The following DAB1 variants were observed in gnomAD, a reference collection of about 807,000 sequenced individuals.
DAB1 encodes DAB adaptor protein 1, also known as disabled homolog 1.
Under a neutral mutation model 64.6 loss-of-function variants are expected in DAB1, and 15 were observed. That is an observed-to-expected ratio of 0.23 (90% CI 0.16 to 0.36). DAB1 has a LOEUF of 0.36. Ranked by LOEUF, DAB1 falls within the 10% of genes least tolerant of loss-of-function variation. The probability of loss-of-function intolerance (pLI) is 1.00; values close to 1 mark genes in which losing one functional copy is unlikely to be tolerated. For synonymous variants in DAB1, 235 were observed against 251.9 expected (o/e 0.93, Z 0.64); for missense variants, 596 against 706.7 (o/e 0.84, Z 1.78).
chr1:57,571,488 C>T (rs538296857), intron 7 of DAB1, among the ~76,000 whole-genome samples: 9 of 152,232 alleles, frequency 5.9e-5, no homozygotes, highest in African/African-American at 1.4e-4. Context: ...GGTAAGAATA[C>T]ATGGACATGG....
chr1:57,430,986 C>T (rs1486566060), intron 7 of DAB1, among the ~76,000 whole-genome samples: 1 of 150,946 alleles, frequency 6.6e-6, no homozygotes, highest in South Asian at 2.1e-4. Flanking sequence ...CTGAGATGAA[C>T]GCTATGACAA....
chr1:58,395,452 C>T (rs139663372), intron 3 of DAB1, among the ~76,000 whole-genome samples: 53 of 152,226 alleles, frequency 3.5e-4, no homozygotes, highest in African/African-American at 1.2e-3. Flanking sequence ...AGTTTTCTTC[C>T]TTCTTTAACT....
chr1:57,293,420 T>G (rs936428358), intron 1 of DAB1, among the ~76,000 whole-genome samples: 1 of 152,198 alleles, frequency 6.6e-6, no homozygotes, highest in Non-Finnish European at 1.5e-5. Flanking sequence ...AGTTTCTTCA[T>G]CTGTACAATG....
intron 4 of DAB1, among the ~76,000 whole-genome samples, chr1:58,238,179 G>A (rs1049721435): frequency 6.6e-6 from 1 of 152,200 alleles, no homozygotes; most frequent in Non-Finnish European, 1.5e-5. Flanking sequence ...AGTAATACAA[G>A]CAGTAGGATA....
chr1:57,124,583 C>CTTTTTTAA (rs1656962741), intron 4 of DAB1, among the ~76,000 whole-genome samples: 1 of 152,130 alleles, frequency 6.6e-6, no homozygotes, highest in Non-Finnish European at 1.5e-5. Context: ...AGATCTCAGG[C>CTTTTTTAA]TTTAGAGTTG....
At chr1:58,005,273 G>A (rs1217998244) in intron 5 of DAB1, among the ~76,000 whole-genome samples, 2 of 152,070 alleles carry the variant, frequency 1.3e-5, no homozygotes, top group African/African-American at 4.8e-5. Context: ...AGCTTTGGAA[G>A]GGCTGGGGGA....
intron 2 of DAB1, among the ~76,000 whole-genome samples, chr1:57,206,191 G>C (rs562784106): frequency 2.6e-5 from 4 of 152,318 alleles, no homozygotes; most frequent in African/African-American, 9.6e-5. Flanking sequence ...CTAAGAGCTT[G>C]TTAGAAAGGC....
intron 4 of DAB1, among the ~76,000 whole-genome samples, chr1:58,160,391 C>A (rs1240907523): frequency 1.3e-5 from 2 of 152,132 alleles, no homozygotes; most frequent in Non-Finnish European, 2.9e-5. Context: ...ATGTACCTGG[C>A]ATAGTTAGAG....
At chr1:57,256,409 G>C (rs569465079) in intron 2 of DAB1, among the ~76,000 whole-genome samples, 1 of 152,162 alleles carries the variant, frequency 6.6e-6, no homozygotes, top group Non-Finnish European at 1.5e-5. Flanking sequence ...AAGGACAAAG[G>C]TTTGGGGTCC....
chr1:57,063,628 A>C (rs1215680514), intron 8 of DAB1, among the ~76,000 whole-genome samples: 2 of 152,168 alleles, frequency 1.3e-5, no homozygotes, highest in African/African-American at 4.8e-5. Flanking sequence ...CTGAGCTCTG[A>C]GCTTCACTAC....
intron 4 of DAB1, among the ~76,000 whole-genome samples, chr1:58,170,813 C>A (rs1656126902): frequency 6.6e-6 from 1 of 152,156 alleles, no homozygotes; most frequent in African/African-American, 2.4e-5. Context: ...AGCCCCCAAC[C>A]AGATGATCCA....
At chr1:58,182,452 A>G (rs1306253554) in intron 4 of DAB1, among the ~76,000 whole-genome samples, 1 of 151,808 alleles carries the variant, frequency 6.6e-6, no homozygotes, top group African/African-American at 2.4e-5. Context: ...GGTGTCCTAT[A>G]GGTCTCTGAG....
intron 9 of DAB1, among the ~76,000 whole-genome samples, chr1:57,057,433 T>C (rs1485912474): frequency 2.0e-5 from 3 of 152,130 alleles, no homozygotes; most frequent in Non-Finnish European, 2.9e-5. Flanking sequence ...CCATCTCTAA[T>C]TGCATATTAT....
chr1:57,498,340 G>C (rs1644252937), intron 7 of DAB1, among the ~76,000 whole-genome samples: 1 of 152,214 alleles, frequency 6.6e-6, no homozygotes, highest in Non-Finnish European at 1.5e-5. Context: ...GAGGAAGTAT[G>C]TGATGAGAAG....
intron 5 of DAB1, among the ~76,000 whole-genome samples, chr1:58,087,010 C>T (rs1650359847): frequency 6.6e-6 from 1 of 152,068 alleles, no homozygotes; most frequent in Admixed American, 6.5e-5. Flanking sequence ...TGGAATCTGA[C>T]AATTATTGGT....
At chr1:58,047,745 A>C (rs985827665) in intron 5 of DAB1, 4 of 202,162 alleles carry the variant, frequency 2.0e-5, no homozygotes, top group Non-Finnish European at 4.0e-5. Flanking sequence ...TCAGGCCAGG[A>C]ACTTAACTAG....
intron 9 of DAB1, among the ~76,000 whole-genome samples, chr1:57,060,432 G>A (rs1476427937): frequency 3.9e-5 from 6 of 152,140 alleles, no homozygotes; most frequent in African/African-American, 1.4e-4. Context: ...TTACAGGCCT[G>A]AGCCACCGCC....
At chr1:57,394,182 T>C (rs11207025) in intron 1 of DAB1, among the ~76,000 whole-genome samples, 56,652 of 152,114 alleles carry the variant, frequency 0.37, 11,001 homozygotes, top group Non-Finnish European at 0.43. Flanking sequence ...CAGGCAGTGC[T>C]TTGTTCAAAG....
intron 7 of DAB1, among the ~76,000 whole-genome samples, chr1:57,627,184 G>T (rs1645932435): frequency 6.6e-6 from 1 of 152,112 alleles, no homozygotes; most frequent in African/African-American, 2.4e-5. Context: ...CCTGCCCTTG[G>T]TGTTCCTGGT....
Sources: gnomAD v4.1 joint callset for allele counts (sites outside exome capture counted in the v4.1 genomes callset) on GRCh38, gnomAD v4.1.1 for gene constraint, MANE v1.5 for transcripts, NCBI Gene and HGNC (gene_info 2026-07-23, HGNC 2026-07-21) for gene names.